TOP1MT: variants seen among roughly 807,000 people sequenced by gnomAD.
TOP1MT encodes DNA topoisomerase I mitochondrial.
Under a neutral mutation model 73.9 loss-of-function variants are expected in TOP1MT, and 80 were observed. The ratio of observed to expected loss-of-function variants is 1.08; its 90% CI spans 0.90 to 1.30. The LOEUF is 1.30. Among genes scored for constraint, TOP1MT ranks in the 50% most tolerant of loss-of-function variants. The pLI is 0.00. For missense variants in TOP1MT, 815 were observed against 808.0 expected (o/e 1.01, Z -0.10); for synonymous variants, 338 against 326.4 (o/e 1.04, Z -0.38).
chr8:143,317,583 A>G, intron 10 of TOP1MT, 140 bp downstream of exon 10: 3 of 727,692 alleles, frequency 4.1e-6, no homozygotes, highest in Non-Finnish European at 6.6e-6. Context: ...GCTGCCAAGC[A>G]GCCAGCCCAC....
Position 143,329,336 on chromosome 8 carries a change from C to T in TOP1MT, c.360+14G>A. ...AGGTCCAGGACAGCTGTGGCGGCCG[C>T]CCAGGGTACCTACCTTTCGCCAGTC... On this transcript the variant is annotated intron_variant, in intron 3 of 13. Coordinates refer to ENST00000329245, the MANE Select transcript of TOP1MT (RefSeq NM_052963.3). 2 of 1,593,452 alleles carry T rather than the reference C, an allele frequency of 1.3e-6. No individual in the cohort carries two copies. The highest frequency in any genetic ancestry group is 1.7e-6 in the Non-Finnish European group (2 of 1,173,130).
In TOP1MT at chr8:143,315,738, G is replaced by C; in HGVS notation, c.1542C>G (p.Gly514=). Residue 514 remains glycine (G), a synonymous_variant, in exon 12 of 14, where the codon GGC becomes GGG. Transcript: ENST00000329245. ...ARAEHKAQGD[G]KSRSVLEKKR... ...GCACGGGTACTCACCTCCTGGACTTGCCATCCCCTTGGGCTTTGTGCTCAG... is the reference window on the plus strand; with the variant it reads ...GCACGGGTACTCACCTCCTGGACTTCCCATCCCCTTGGGCTTTGTGCTCAG... The C allele has an allele frequency of 1.2e-6, 2 of 1,613,918 alleles. No homozygotes were observed. Among genetic ancestry groups the C allele is most frequent in the South Asian group, 1.1e-5 (1 of 91,084 alleles).
upstream of TOP1MT, among the ~76,000 whole-genome samples, chr8:143,338,253 A>T (rs369925561): frequency 6.6e-6 from 1 of 152,238 alleles, no homozygotes; most frequent in South Asian, 2.1e-4. Flanking sequence ...CCTGAACAAC[A>T]GGCTCCATCT....
chr8:143,329,244 G>T, intron 3 of TOP1MT, 106 bp downstream of exon 3: 2 of 1,291,952 alleles, frequency 1.5e-6, no homozygotes, highest in Non-Finnish European at 2.1e-6. Context: ...GGTCACACAG[G>T]GGCCACCGAG....
At chr8:143,324,185 G>A in intron 6 of TOP1MT, 43 bp from the exon 7 acceptor site, 1 of 1,605,960 alleles carries the variant, frequency 6.2e-7, no homozygotes, top group South Asian at 1.1e-5. Flanking sequence ...TCACATTCCT[G>A]TTAAATAACG....
At chr8:143,352,309 G>A (rs1019263413) in intron 1 of TOP1MT, among the ~76,000 whole-genome samples, 1 of 152,210 alleles carries the variant, frequency 6.6e-6, no homozygotes, top group African/African-American at 2.4e-5. Flanking sequence ...GGGCTACAGT[G>A]ATGAAGACAG....
chr8:143,327,696 A>C (rs1184946568), intron 3 of TOP1MT: 2 of 395,774 alleles, frequency 5.1e-6, no homozygotes, highest in Non-Finnish European at 1.0e-5. Context: ...CCAGAGGGAG[A>C]ATGAGGATGC....
intron 9 of TOP1MT, 45 bp downstream of exon 9, chr8:143,317,973 G>A (rs1816222345): frequency 5.6e-6 from 9 of 1,608,628 alleles, no homozygotes; most frequent in Non-Finnish European, 7.7e-6. Context: ...CCCTCTCACT[G>A]GGTCCTGCCG....
chr8:143,329,803 T>G lies in TOP1MT; in HGVS notation c.239-332A>C, dbSNP rs193079469. 4.5e-3 allele frequency among the ~76,000 whole-genome samples: 679 copies of G among 152,298 alleles called. 6 individuals carry two copies. Among genetic ancestry groups the G allele is most frequent in the African/African-American group, 0.015 (629 of 41,544 alleles). On this transcript the variant is annotated intron_variant, in intron 2 of 13. Coordinates refer to ENST00000329245, the MANE Select transcript of TOP1MT (RefSeq NM_052963.3). Reference sequence around the variant, plus strand: ...TGTACAATTTTAAAACACACCAATTTCCACAAAATTTCACAAGTAAAATAA... The same window carrying G: ...TGTACAATTTTAAAACACACCAATTGCCACAAAATTTCACAAGTAAAATAA...
chr8:143,354,928 T>C (rs190812300), intron 1 of TOP1MT, among the ~76,000 whole-genome samples: 3 of 152,210 alleles, frequency 2.0e-5, no homozygotes, highest in Admixed American at 2.0e-4. Context: ...AAAAGGAAAG[T>C]GACGGACAGA....
At chr8:143,355,552 T>C (rs1817394080) in intron 1 of TOP1MT, 1 of 152,194 alleles carries the variant, frequency 6.6e-6, no homozygotes, top group South Asian at 2.1e-4. Context: ...CAACTTTTTT[T>C]TGGTTCTAAT....
intron 7 of TOP1MT, among the ~76,000 whole-genome samples, chr8:143,322,239 ATG>A (rs1342089530): frequency 2.3e-5 from 1 of 43,376 alleles, no homozygotes; most frequent in Admixed American, 3.7e-4. Flanking sequence ...ACACACATGC[ATG>A]CCACACACGC....
At chr8:143,337,860 T>C (rs2467943), upstream of TOP1MT, among the ~76,000 whole-genome samples, 28,135 of 152,202 alleles carry the variant, frequency 0.18, 4,359 homozygotes, top group African/African-American at 0.43. Flanking sequence ...GCTTCTGTTA[T>C]CTACAGATTC....
At chr8:143,321,115 G>GACCCC (rs1816327506) in intron 8 of TOP1MT, 86 bp downstream of exon 8, 5 of 1,407,078 alleles carry the variant, frequency 3.6e-6, no homozygotes, top group Non-Finnish European at 4.8e-6. Flanking sequence ...ACGGGCCACA[G>GACCCC]ACCCCACGGC....
chr8:143,339,110 A>T (rs903125267), upstream of TOP1MT, among the ~76,000 whole-genome samples: 8 of 152,174 alleles, frequency 5.3e-5, no homozygotes, highest in African/African-American at 1.9e-4. Flanking sequence ...CTATGCAGGG[A>T]CTGCCCAGGT....
At chr8:143,357,464 C>T (rs1386128936), upstream of TOP1MT, among the ~76,000 whole-genome samples, 5 of 149,778 alleles carry the variant, frequency 3.3e-5, no homozygotes, top group African/African-American at 9.8e-5. Context: ...ACATATTGAA[C>T]ATGTTGAAGA....
At chr8:143,317,062 C>T (rs1008007304) in intron 10 of TOP1MT, among the ~76,000 whole-genome samples, 2 of 152,240 alleles carry the variant, frequency 1.3e-5, no homozygotes, top group African/African-American at 4.8e-5. Flanking sequence ...ACATGCCGAG[C>T]GTCAGCGCCC....
chr8:143,344,998 AGAAG>A (rs917178578), upstream of TOP1MT: 20 of 152,380 alleles, frequency 1.3e-4, no homozygotes, highest in African/African-American at 4.6e-4. The surrounding 1 kb of genome is among the most constrained non-coding windows in gnomAD (Gnocchi z 4.6). Context: ...TAGAAAAATC[AGAAG>A]GAAGGAAACG....
chr8:143,318,221 C>T lies in TOP1MT; in HGVS notation c.1147-135G>A, dbSNP rs112284333. 2,916 of 706,520 alleles carry T rather than the reference C, an allele frequency of 4.1e-3. 50 individuals are homozygous for T. The highest frequency in any genetic ancestry group is 0.039 in the African/African-American group (2,232 of 56,912). 43.8% of individuals were successfully genotyped at this position (706,520 alleles called of 1,614,324 possible). On this transcript the variant is annotated intron_variant, in intron 8 of 13. Transcript: ENST00000329245. ...GGTGGCCCGAGCAGCATCACCGTCA[C>T]CTGTCGGCATCCTCCCGTGACACGG...
Sources: gnomAD v4.1 joint callset for allele counts (sites outside exome capture counted in the v4.1 genomes callset) on GRCh38, gnomAD v4.1.1 for gene constraint, Gnocchi (gnomAD v3.1) non-coding constraint, MANE v1.5 for transcripts, NCBI Gene and HGNC (gene_info 2026-07-23, HGNC 2026-07-21) for gene names.